TSNARE1: variants seen among roughly 807,000 people sequenced by gnomAD.
TSNARE1 encodes the protein t-SNARE domain containing 1, also known as t-SNARE domain-containing protein 1.
Under a neutral mutation model 62.0 loss-of-function variants are expected in TSNARE1, and 49 were observed. The observed-to-expected ratio is 0.79, with a 90% CI of 0.63 to 1.00. The LOEUF is 1.00. TSNARE1 is among the 50% of genes least tolerant of loss of function. TSNARE1 has a pLI of 0.00. For missense variants in TSNARE1, 755 were observed against 700.1 expected, an observed-to-expected ratio of 1.08 and a Z score of -0.88; for synonymous variants, 328 against 294.4, an observed-to-expected ratio of 1.11 and a Z score of -1.17.
At chr8:142,301,788 G>A (rs1158766055) in intron 9 of TSNARE1, among the ~76,000 whole-genome samples, 3 of 89,076 alleles carry the variant, frequency 3.4e-5, no homozygotes, top group South Asian at 7.4e-4. Flanking sequence ...CCGTGCCCCC[G>A]ATCTTCCTGA....
Position 142,344,461 on chromosome 8 carries a change from C to T in TSNARE1, c.250G>A (p.Ala84Thr). The change falls in exon 4 of 14, where the codon GCC (alanine) becomes ACC (threonine). Residue 84 changes from alanine (A) to threonine (T), a missense_variant. Ala to Thr is a moderately conservative substitution (Grantham distance 58). Coordinates refer to ENST00000524325, the MANE Select transcript of TSNARE1 (RefSeq NM_145003.5). ...TCCGGCATCCGGCTGCCTTCAGGGG[C>T]AACCCCAGGCCCTGGAAAGGCACCA... is the stretch of plus-strand genomic sequence containing the variant. Reference protein sequence around the residue: ...PRARKRGPGVAPEGSRMPEPT... With the variant: ...PRARKRGPGVTPEGSRMPEPT... 4.5e-6 allele frequency: 7 copies of T among 1,557,706 alleles called. No individual in the cohort carries two copies. The highest frequency in any genetic ancestry group is 1.4e-5 in the African/African-American group (1 of 72,930).
rs1291513063 is a variant in TSNARE1, at chr8:142,317,330, CGGGT to C, written c.984+1210_984+1213del. On this transcript the variant is annotated intron_variant, in intron 7 of 13. Coordinates refer to ENST00000524325, the MANE Select transcript of TSNARE1 (RefSeq NM_145003.5). ...AGCGGCTCACACTGTACGTGTGAAG[CGGGT>C]ATGGCCAGCGGCTCACACTGTACGC... Among the ~76,000 whole-genome samples, 22 of 136,250 alleles carry C rather than the reference CGGGT, an allele frequency of 1.6e-4. 1 individual carries two copies. The highest frequency in any genetic ancestry group is 4.7e-4 in the South Asian group (2 of 4,248). 89.4% of individuals were successfully genotyped at this position (136,250 alleles called of 152,430 possible).
chr8:142,376,996 C>T (rs1327831097), intron 1 of TSNARE1, among the ~76,000 whole-genome samples: 1 of 152,224 alleles, frequency 6.6e-6, no homozygotes, highest in Non-Finnish European at 1.5e-5. Context: ...ACTGGCAGAG[C>T]CCCACACCTC....
intron 12 of TSNARE1, among the ~76,000 whole-genome samples, chr8:142,258,232 A>G (rs1818685060): frequency 6.6e-6 from 1 of 152,160 alleles, no homozygotes; most frequent in Non-Finnish European, 1.5e-5. Context: ...ATATACAGGA[A>G]TGCACACTGG....
intron 10 of TSNARE1, among the ~76,000 whole-genome samples, chr8:142,298,128 T>C (rs1825076791): frequency 6.6e-6 from 1 of 152,210 alleles, no homozygotes; most frequent in Non-Finnish European, 1.5e-5. Flanking sequence ...TCCTCTGGTC[T>C]AGATGCAAGC....
intron 12 of TSNARE1, among the ~76,000 whole-genome samples, chr8:142,253,374 G>A (rs746615863): frequency 6.6e-5 from 10 of 152,202 alleles, no homozygotes; most frequent in Admixed American, 2.0e-4. Flanking sequence ...ACAAGGTTCC[G>A]GGCATGAGGC....
At chr8:142,273,354 C>T (rs936342499) in intron 12 of TSNARE1, 24 of 985,280 alleles carry the variant, frequency 2.4e-5, no homozygotes, top group East Asian at 2.3e-4. Context: ...GAGTTTCCAG[C>T]GAGTCCACCT....
At chr8:142,309,646 T>C (rs1454404702) in intron 9 of TSNARE1, among the ~76,000 whole-genome samples, 3 of 152,218 alleles carry the variant, frequency 2.0e-5, no homozygotes, top group African/African-American at 4.8e-5. Flanking sequence ...GATTGCTAGA[T>C]TGAAGTTACT....
chr8:142,257,707 T>C (rs1359194665), intron 12 of TSNARE1, among the ~76,000 whole-genome samples: 1 of 152,108 alleles, frequency 6.6e-6, no homozygotes, highest in African/African-American at 2.4e-5. Context: ...ATCCCCGCGA[T>C]GACCCAGGGG....
Position 142,354,664 on chromosome 8 carries a change from G to T in TSNARE1, c.61C>A (p.Pro21Thr), listed in dbSNP as rs757025530. Residue 21 changes from proline to threonine, a missense_variant, in exon 2 of 14, where the codon CCT becomes ACT. Pro to Thr is a conservative substitution (Grantham distance 38, BLOSUM62 -1). Coordinates refer to ENST00000524325, the MANE Select transcript of TSNARE1 (RefSeq NM_145003.5). ...GLGSRGPFGG[P>T]SRQGCQPLEC... ...AGGGGCTGACAGCCTTGTCTCGAAG[G>T]TCCCCCGAAAGGGCCACGGCTCCCC... 1 of 1,613,232 alleles carries T rather than the reference G, an allele frequency of 6.2e-7. No individual in the cohort carries two copies.
At position 142,291,410 on chromosome 8, in the gene TSNARE1, T is replaced by C. The variant is rs1314026933; in HGVS notation, c.1291-6925A>G. Among the ~76,000 whole-genome samples, 1 of 152,058 alleles carries C rather than the reference T, an allele frequency of 6.6e-6. No homozygotes were observed. Among genetic ancestry groups the C allele is most frequent in the Admixed American group, 6.6e-5 (1 of 15,260 alleles). The stretch of plus-strand genomic sequence containing the variant: ...GTAGGAGTGTTCACTCTCACAGAGC[T>C]CTGGTGTGGGCTGAGACACATATAA... On this transcript the variant is annotated intron_variant, in intron 10 of 13. Coordinates refer to ENST00000524325, the MANE Select transcript of TSNARE1 (RefSeq NM_145003.5). This position sits in a 1 kb window ranked among gnomAD's most constrained non-coding sequence, Gnocchi z 4.8.
At chr8:142,347,642 G>A (rs1244577264) in intron 2 of TSNARE1, among the ~76,000 whole-genome samples, 1 of 151,988 alleles carries the variant, frequency 6.6e-6, no homozygotes, top group Non-Finnish European at 1.5e-5. Context: ...TCAAGGACAC[G>A]CCATCACCTC....
intron 6 of TSNARE1, among the ~76,000 whole-genome samples, chr8:142,323,106 C>T (rs1051764614): frequency 2.0e-5 from 3 of 151,652 alleles, no homozygotes; most frequent in African/African-American, 2.4e-5. Context: ...GGGCTGATGA[C>T]GATATTGTTA....
rs1823792446 is a variant in TSNARE1, at chr8:142,291,739, G to T, written c.1291-7254C>A. ...GGGGGCGAGCGTGGGAGCGGCAGGGGTTAGAGGACACCCCTGGAGTCAGGG... is the reference window on the plus strand; with the variant it reads ...GGGGGCGAGCGTGGGAGCGGCAGGGTTTAGAGGACACCCCTGGAGTCAGGG... On this transcript the variant is annotated intron_variant, in intron 10 of 13. Transcript: ENST00000524325. This position sits in a 1 kb window ranked among gnomAD's most constrained non-coding sequence, Gnocchi z 4.8. 6.6e-6 allele frequency among the ~76,000 whole-genome samples: 1 copy of T among 152,152 alleles called. No homozygotes were observed. Among genetic ancestry groups the T allele is most frequent in the South Asian group, 2.1e-4 (1 of 4,828 alleles).
intron 11 of TSNARE1, chr8:142,277,101 C>T (rs997468142): frequency 1.0e-6 from 1 of 985,388 alleles, no homozygotes; most frequent in African/African-American, 1.7e-5. Context: ...CAGCCCTGGG[C>T]CCAGTGGCTT....
intron 13 of TSNARE1, among the ~76,000 whole-genome samples, chr8:142,216,663 G>C (rs1815854656): frequency 6.6e-6 from 1 of 152,188 alleles, no homozygotes; most frequent in Non-Finnish European, 1.5e-5. Flanking sequence ...CTGCCTGAGA[G>C]GAGCAAAGCC....
intron 10 of TSNARE1, among the ~76,000 whole-genome samples, chr8:142,298,822 G>A (rs187359125): frequency 4.6e-5 from 7 of 152,318 alleles, no homozygotes; most frequent in Admixed American, 1.3e-4. Flanking sequence ...GAAGCGGTCC[G>A]TCTGCCTCTC....
At chr8:142,387,839 G>C (rs10101092) in intron 1 of TSNARE1, among the ~76,000 whole-genome samples, 3,869 of 152,212 alleles carry the variant, frequency 0.025, 96 homozygotes, top group Non-Finnish European at 0.041. Flanking sequence ...TTAGAGACCA[G>C]GCAATTCAGT....
intron 1 of TSNARE1, among the ~76,000 whole-genome samples, chr8:142,360,668 C>A (rs1015344627): frequency 2.6e-5 from 4 of 152,266 alleles, no homozygotes; most frequent in African/African-American, 4.8e-5. Flanking sequence ...CCTTGCACTG[C>A]CCAGATCCTG....
Sources: gnomAD v4.1 joint callset for allele counts (sites outside exome capture counted in the v4.1 genomes callset) on GRCh38, gnomAD v4.1.1 for gene constraint, Gnocchi (gnomAD v3.1) non-coding constraint, MANE v1.5 for transcripts, NCBI Gene and HGNC (gene_info 2026-07-23, HGNC 2026-07-21) for gene names.